The following TNN variants were observed in gnomAD, a reference collection of about 807,000 sequenced individuals.
TNN encodes tenascin N, also known as tenascin-N.
A neutral mutation model predicts 134.4 loss-of-function variants in TNN; 122 were observed. The observed-to-expected ratio is 0.91, with a 90% CI of 0.78 to 1.06. The LOEUF is 1.06. Among genes scored for constraint, TNN ranks in the 50% least tolerant of loss-of-function variants. TNN has a pLI of 0.00. For missense variants in TNN, 1,739 were observed against 1,699.4 expected, an observed-to-expected ratio of 1.02 and a Z score of -0.41; for synonymous variants, 710 against 670.3, an observed-to-expected ratio of 1.06 and a Z score of -0.91.
At chr1:175,091,559 T>TATTTTAA (rs1558353471) in intron 6 of TNN, among the ~76,000 whole-genome samples, 2 of 141,716 alleles carry the variant, frequency 1.4e-5, no homozygotes, top group African/African-American at 5.2e-5. Flanking sequence ...TATTTATTAT[T>TATTTTAA]TTTATTTATT....
At chr1:175,138,104 A>C (rs184967525) in intron 17 of TNN, among the ~76,000 whole-genome samples, 154 of 152,310 alleles carry the variant, frequency 1.0e-3, no homozygotes, top group African/African-American at 3.6e-3. Flanking sequence ...AGTTTATCTC[A>C]CAGCCTTGCT....
chr1:175,130,255 A>G (rs1675640946), intron 15 of TNN, among the ~76,000 whole-genome samples: 2 of 152,230 alleles, frequency 1.3e-5, no homozygotes, highest in African/African-American at 4.8e-5. Flanking sequence ...GGGGCCTGGG[A>G]AACCAAAGAC....
intron 15 of TNN, among the ~76,000 whole-genome samples, chr1:175,133,528 G>C (rs1009725947): frequency 6.6e-6 from 1 of 152,182 alleles, no homozygotes; most frequent in African/African-American, 2.4e-5. Context: ...TGGCTTTTGT[G>C]ATTCCATATT....
chr1:175,139,028 G>A (rs1364280939), intron 17 of TNN, among the ~76,000 whole-genome samples: 1 of 152,154 alleles, frequency 6.6e-6, no homozygotes. Flanking sequence ...CAATCTGTAA[G>A]GGTACTTACT....
chr1:175,140,691 T>C (rs1259570744), intron 17 of TNN, among the ~76,000 whole-genome samples: 1 of 152,230 alleles, frequency 6.6e-6, no homozygotes, highest in African/African-American at 2.4e-5. Flanking sequence ...AAGTAGAGGA[T>C]GTATTTTTTA....
chr1:175,100,556 C>A (rs1674696430), intron 9 of TNN, among the ~76,000 whole-genome samples: 1 of 152,210 alleles, frequency 6.6e-6, no homozygotes, highest in Non-Finnish European at 1.5e-5. Flanking sequence ...TTGATCTTGC[C>A]TTGACTGTGG....
chr1:175,097,736 A>G, intron 8 of TNN, 53 bp downstream of exon 8: 1 of 1,609,654 alleles, frequency 6.2e-7, no homozygotes, highest in Admixed American at 1.7e-5. Context: ...GTGGATTTGA[A>G]TAGGTATGGT....
chr1:175,083,635 G>A (rs1674251969), intron 4 of TNN, 115 bp from the exon 5 acceptor site: 1 of 950,608 alleles, frequency 1.1e-6, no homozygotes, highest in Admixed American at 2.7e-5. Flanking sequence ...TGGGGCTGAA[G>A]CCAGCTCTTG....
intron 1 of TNN, among the ~76,000 whole-genome samples, chr1:175,072,602 G>C (rs1372714227): frequency 2.0e-5 from 3 of 152,274 alleles, no homozygotes; most frequent in South Asian, 4.2e-4. Flanking sequence ...GTTAAACAAG[G>C]AGTCTCTTTC....
At chr1:175,135,220 A>G (rs1480224141) in intron 15 of TNN, among the ~76,000 whole-genome samples, 2 of 152,198 alleles carry the variant, frequency 1.3e-5, no homozygotes, top group African/African-American at 4.8e-5. Context: ...GCATTTAAAA[A>G]TTATTTAATT....
At chr1:175,145,638 T>C (rs2187957) in intron 18 of TNN, among the ~76,000 whole-genome samples, 1 of 149,452 alleles carries the variant, frequency 6.7e-6, no homozygotes, top group Non-Finnish European at 1.5e-5. Flanking sequence ...AGACCTACTC[T>C]TGGATCCACT....
intron 17 of TNN, among the ~76,000 whole-genome samples, chr1:175,138,093 G>C (rs936510498): frequency 6.6e-6 from 1 of 152,284 alleles, no homozygotes; most frequent in East Asian, 1.9e-4. Context: ...AAGAATGCTG[G>C]AGTTTATCTC....
chr1:175,083,636 C>A lies in TNN; in HGVS notation c.1049-114C>A, dbSNP rs568406792. ...TAAGAACTGTGTCCTGGGGCTGAAGCCAGCTCTTGAGATGTCAAGAAAGGG... is the reference window on the plus strand; with the variant it reads ...TAAGAACTGTGTCCTGGGGCTGAAGACAGCTCTTGAGATGTCAAGAAAGGG... On this transcript the variant is annotated intron_variant, in intron 4 of 18. Transcript: ENST00000239462. 8.9e-5 allele frequency: 85 copies of A among 957,518 alleles called. 1 individual carries two copies. The Middle Eastern group carries it at 1.2e-3, about 14-fold the overall frequency. 59.3% of individuals were successfully genotyped at this position (957,518 alleles called of 1,614,324 possible).
rs374880023 is a variant in TNN, at chr1:175,115,035, A to G, written c.2120-1904A>G. Among the ~76,000 whole-genome samples the G allele has an allele frequency of 3.9e-5, 6 of 152,064 alleles. No homozygotes were observed. The East Asian group carries it at 5.8e-4, about 15-fold the overall frequency. On this transcript the variant is annotated intron_variant, in intron 9 of 18. Coordinates refer to ENST00000239462, the MANE Select transcript of TNN (RefSeq NM_022093.2). Reference sequence around the variant, plus strand: ...CTCCCTGGGAGAAGAGTGTCTCAGGAGCTCAGACTCAGGGGGCCTAGTCCA... The same window carrying G: ...CTCCCTGGGAGAAGAGTGTCTCAGGGGCTCAGACTCAGGGGGCCTAGTCCA...
rs546880304 is a variant in TNN at position 175,147,239 on chromosome 1, C to T, written c.*168C>T. ...CTTCCCTCTCACCTGCATTTTTGCC[C>T]GTCTTTATGAGGGTCTTGAAAATCA... On this transcript the variant is annotated 3_prime_UTR_variant, in exon 19 of 19. Coordinates refer to ENST00000239462, the MANE Select transcript of TNN (RefSeq NM_022093.2). The T allele has an allele frequency of 2.8e-5, 17 of 609,566 alleles. No homozygotes were observed. Among genetic ancestry groups the T allele is most frequent in the South Asian group, 5.2e-5 (1 of 19,190 alleles). 37.8% of individuals were successfully genotyped at this position (609,566 alleles called of 1,614,324 possible).
intron 17 of TNN, among the ~76,000 whole-genome samples, chr1:175,143,646 TCTC>T (rs1322699655): frequency 2.0e-5 from 3 of 151,708 alleles, no homozygotes; most frequent in African/African-American, 4.9e-5. Context: ...CAGAGAGAAA[TCTC>T]CTGGAAGGTG....
rs76439455 is a variant in TNN, at chr1:175,098,001, C to T, written c.1855+318C>T. Reference sequence around the variant, plus strand: ...TTAGAGTGCTCATCAGTGAAGTAGCCCTTGATAAAATGTTATGTTAGGAAC... The same window carrying T: ...TTAGAGTGCTCATCAGTGAAGTAGCTCTTGATAAAATGTTATGTTAGGAAC... On this transcript the variant is annotated intron_variant, in intron 8 of 18. Coordinates refer to ENST00000239462, the MANE Select transcript of TNN (RefSeq NM_022093.2). Among the ~76,000 whole-genome samples, 10 of 152,170 alleles carry T rather than the reference C, an allele frequency of 6.6e-5. No individual in the cohort carries two copies. In the East Asian group the frequency reaches 1.9e-3, roughly 29 times the overall value.
Position 175,080,345 on chromosome 1 carries a change from C to T in TNN, c.967C>T (p.Pro323Ser), listed in dbSNP as rs184800708. Reference protein sequence around the residue: ...QHSYEILGLLPGTKYIVTLRN... With the variant: ...QHSYEILGLLSGTKYIVTLRN... ...CAGCTATGAGATTCTTGGTTTGCTGCCTGGAACCAAGTACATAGTCACCCT... is the reference window on the plus strand; with the variant it reads ...CAGCTATGAGATTCTTGGTTTGCTGTCTGGAACCAAGTACATAGTCACCCT... The change falls in exon 4 of 19, where the codon CCT becomes TCT. Residue 323 changes from proline (P) to serine (S), a missense_variant. By Grantham distance (74) the Pro-to-Ser change is moderately conservative (BLOSUM62 -1). Transcript: ENST00000239462. The T allele has an allele frequency of 1.9e-6, 3 of 1,614,096 alleles. No individual in the cohort carries two copies. The Admixed American group carries it at 5.0e-5, about 27-fold the overall frequency.
Position 175,118,557 on chromosome 1 carries a change from TCAGA to T in TNN, c.2387-1_2389del. ...TGCATATTGGTCAGCATTTTTTTTT[TCAGA>T]CATTGACAGCCCCCAAAACCTGGTC... On this transcript the variant is annotated splice_acceptor_variant and splice_polypyrimidine_tract_variant and coding_sequence_variant and intron_variant, in exon 11 of 19. Coordinates refer to ENST00000239462, the MANE Select transcript of TNN (RefSeq NM_022093.2). LOFTEE classifies it high-confidence loss of function. 1 of 1,612,712 alleles carries T rather than the reference TCAGA, an allele frequency of 6.2e-7. No individual in the cohort carries two copies. Among genetic ancestry groups the T allele is most frequent in the Admixed American group, 1.7e-5 (1 of 59,522 alleles).
Sources: gnomAD v4.1 joint callset for allele counts (sites outside exome capture counted in the v4.1 genomes callset) on GRCh38, gnomAD v4.1.1 for gene constraint, MANE v1.5 for transcripts, NCBI Gene and HGNC (gene_info 2026-07-23, HGNC 2026-07-21) for gene names.